Variants in RNF185 observed in about 807,000 individuals in gnomAD.
RNF185 encodes ring finger protein 185.
A neutral mutation model predicts 24.9 loss-of-function variants in RNF185; 13 were observed. That is an observed-to-expected ratio of 0.52 (90% CI 0.34 to 0.83). The LOEUF is 0.83. RNF185 is among the 40% of genes least tolerant of loss of function. The probability of loss-of-function intolerance (pLI) is 0.01; values close to 1 mark genes in which losing one functional copy is unlikely to be tolerated. For synonymous variants in RNF185, 79 were observed against 90.3 expected (o/e 0.88, Z 0.71); for missense variants, 184 against 244.7 (o/e 0.75, Z 1.65).
chr22:31,164,447 A>G (rs904068693), intron 1 of RNF185, among the ~76,000 whole-genome samples: 1 of 152,194 alleles, frequency 6.6e-6, no homozygotes, highest in Non-Finnish European at 1.5e-5. Context: ...TAGCTAATCT[A>G]GAGACTTTAT....
rs983688450 is a variant in RNF185 at position 31,206,491 on chromosome 22, G to A, written c.*1905G>A. ...GTGCAGTGGCCCCAACTAGTGGAGGGAGAGAGGACTTAAGTCAGATGGACT... is the reference window on the plus strand; with the variant it reads ...GTGCAGTGGCCCCAACTAGTGGAGGAAGAGAGGACTTAAGTCAGATGGACT... On this transcript the variant is annotated 3_prime_UTR_variant, in exon 7 of 7. Coordinates refer to ENST00000326132, the MANE Select transcript of RNF185 (RefSeq NM_152267.4). 3.9e-5 allele frequency: 6 copies of A among 152,162 alleles called. No homozygotes were observed. Among genetic ancestry groups the A allele is most frequent in the Non-Finnish European group, 7.3e-5 (5 of 68,030 alleles). 9.4% of individuals were successfully genotyped at this position (152,162 alleles called of 1,614,324 possible). A position where few individuals can be genotyped will look rare whatever the true frequency, so the allele number is the denominator to read the frequency against.
At chr22:31,198,539 T>C (rs1170134665) in intron 5 of RNF185, among the ~76,000 whole-genome samples, 1 of 150,908 alleles carries the variant, frequency 6.6e-6, no homozygotes, top group African/African-American at 2.4e-5. Flanking sequence ...GCTGGGATTA[T>C]AGGCATGGGC....
chr22:31,179,218 A>G (rs989533720), intron 1 of RNF185, among the ~76,000 whole-genome samples: 1 of 152,178 alleles, frequency 6.6e-6, no homozygotes, highest in Non-Finnish European at 1.5e-5. Context: ...CCATATAGGT[A>G]TGCTCAGGAC....
intron 1 of RNF185, among the ~76,000 whole-genome samples, chr22:31,173,408 C>CACAG (rs1555881057): frequency 2.9e-5 from 3 of 102,510 alleles, no homozygotes; most frequent in Non-Finnish European, 5.7e-5. Flanking sequence ...CTCATTCACA[C>CACAG]ACACACAGAC....
chr22:31,190,438 C>T (rs187412048), intron 2 of RNF185, among the ~76,000 whole-genome samples: 1 of 152,208 alleles, frequency 6.6e-6, no homozygotes, highest in East Asian at 1.9e-4. Flanking sequence ...ACATACGTGC[C>T]ACCACACCTG....
At chr22:31,190,744 C>T (rs2048148344) in intron 2 of RNF185, among the ~76,000 whole-genome samples, 1 of 152,008 alleles carries the variant, frequency 6.6e-6, no homozygotes, top group Non-Finnish European at 1.5e-5. Flanking sequence ...GCTGGGATTA[C>T]AGGCATGTGC....
chr22:31,188,994 A>T (rs1045972613), intron 2 of RNF185, among the ~76,000 whole-genome samples: 2 of 142,396 alleles, frequency 1.4e-5, no homozygotes, highest in African/African-American at 2.6e-5. Flanking sequence ...GGTGTGGTGG[A>T]GTGCACCTGT....
chr22:31,191,964 A>T (rs1452362691), intron 2 of RNF185, among the ~76,000 whole-genome samples: 1 of 149,744 alleles, frequency 6.7e-6, no homozygotes, highest in African/African-American at 2.5e-5. Context: ...TTTAATCCTG[A>T]TGCAGTTCAT....
At chr22:31,200,722 G>A (rs1044602333) in intron 5 of RNF185, among the ~76,000 whole-genome samples, 2 of 152,228 alleles carry the variant, frequency 1.3e-5, no homozygotes, top group Non-Finnish European at 2.9e-5. Context: ...TGGCTGCGAA[G>A]TGGGAAGGTG....
chr22:31,187,357 T>C, intron 2 of RNF185, 87 bp downstream of exon 2: 3 of 1,424,978 alleles, frequency 2.1e-6, no homozygotes, highest in Non-Finnish European at 2.0e-6. Context: ...GAATGCTTCC[T>C]GCTCACTTTG....
At chr22:31,194,601 G>A (rs768366201) in intron 3 of RNF185, among the ~76,000 whole-genome samples, 2 of 152,004 alleles carry the variant, frequency 1.3e-5, no homozygotes, top group East Asian at 1.9e-4. Context: ...AGTGGTGGGC[G>A]CCTGTAATCC....
intron 1 of RNF185, among the ~76,000 whole-genome samples, chr22:31,168,077 AAACAAT>A (rs1924044912): frequency 6.6e-6 from 1 of 152,198 alleles, no homozygotes; most frequent in African/African-American, 2.4e-5. Flanking sequence ...TGTGTCTATT[AAACAAT>A]AACTCCCTAT....
intron 1 of RNF185, among the ~76,000 whole-genome samples, chr22:31,182,181 G>A (rs2048045326): frequency 6.9e-6 from 1 of 144,310 alleles, no homozygotes. Flanking sequence ...GCACAATCAC[G>A]GCTCACTGCA....
chr22:31,173,418 C>CACACACACAG (rs1555881076), intron 1 of RNF185, among the ~76,000 whole-genome samples: 4 of 150,706 alleles, frequency 2.7e-5, no homozygotes, highest in African/African-American at 9.8e-5. Context: ...CACACACAGA[C>CACACACACAG]ACACACACAC....
intron 1 of RNF185, among the ~76,000 whole-genome samples, chr22:31,181,385 A>G (rs1430425779): frequency 2.0e-5 from 3 of 152,082 alleles, no homozygotes; most frequent in Non-Finnish European, 4.4e-5. Context: ...ATTTTCAAAC[A>G]CACACACAGA....
At chr22:31,204,392 A>C in intron 6 of RNF185, 97 bp from the exon 7 acceptor site, 1 of 764,570 alleles carries the variant, frequency 1.3e-6, no homozygotes, top group Non-Finnish European at 2.4e-6. Flanking sequence ...GATGTTGTAA[A>C]GAGATAAAGA....
At chr22:31,175,488 A>T (rs1202655251) in intron 1 of RNF185, among the ~76,000 whole-genome samples, 5 of 152,136 alleles carry the variant, frequency 3.3e-5, no homozygotes, top group African/African-American at 1.2e-4. Flanking sequence ...TCTTTTGGAA[A>T]ACATACATGT....
intron 2 of RNF185, among the ~76,000 whole-genome samples, chr22:31,188,445 A>G (rs1239238242): frequency 6.6e-6 from 1 of 152,210 alleles, no homozygotes; most frequent in Non-Finnish European, 1.5e-5. Context: ...ACTTGAAATG[A>G]TTGACAAAAT....
chr22:31,173,835 A>G (rs2047955758), intron 1 of RNF185, among the ~76,000 whole-genome samples: 1 of 152,216 alleles, frequency 6.6e-6, no homozygotes, highest in Non-Finnish European at 1.5e-5. Flanking sequence ...GTCAAATTGT[A>G]TCTAATTTTA....
Sources: gnomAD v4.1 joint callset for allele counts (sites outside exome capture counted in the v4.1 genomes callset) on GRCh38, gnomAD v4.1.1 for gene constraint, MANE v1.5 for transcripts, NCBI Gene and HGNC (gene_info 2026-07-23, HGNC 2026-07-21) for gene names.